Variants in FSHR observed in about 807,000 individuals in gnomAD.
FSHR encodes the protein follicle-stimulating hormone receptor.
In FSHR, 46 loss-of-function variants were observed where a neutral mutation model predicts 52.1. The ratio of observed to expected loss-of-function variants is 0.88; its 90% CI spans 0.70 to 1.13. FSHR has a LOEUF of 1.13. FSHR is among the 50% of genes most tolerant of loss of function. The pLI, the probability that FSHR is intolerant of heterozygous loss-of-function variation, is 0.00. For synonymous variants in FSHR, 399 were observed against 309.6 expected (o/e 1.29, Z -3.03); for missense variants, 964 against 834.6 (o/e 1.16, Z -1.91).
intron 2 of FSHR, among the ~76,000 whole-genome samples, chr2:49,032,634 A>T (rs1255541354): frequency 6.6e-6 from 1 of 152,214 alleles, no homozygotes; most frequent in Non-Finnish European, 1.5e-5. Context: ...AATGAAAAGC[A>T]CAAAAGCTGT....
intron 4 of FSHR, among the ~76,000 whole-genome samples, chr2:48,992,538 C>A (rs1177462912): frequency 1.3e-5 from 2 of 152,154 alleles, no homozygotes; most frequent in African/African-American, 2.4e-5. Flanking sequence ...TCTTCAGTGC[C>A]TCTTTCAGCG....
intron 2 of FSHR, among the ~76,000 whole-genome samples, chr2:49,021,886 T>TATATATAGAGAGAG (rs1273265515): frequency 1.2e-3 from 31 of 25,108 alleles, no homozygotes; most frequent in East Asian, 2.7e-3. Context: ...TATATATATA[T>TATATATAGAGAGAG]AGAGAGAGAG....
chr2:49,143,166 A>T (rs1672750694), intron 1 of FSHR, among the ~76,000 whole-genome samples: 1 of 152,178 alleles, frequency 6.6e-6, no homozygotes, highest in African/African-American at 2.4e-5. Context: ...GAACTCCAAC[A>T]TCTAGAGGCT....
In FSHR at chr2:49,054,957, T is replaced by C. The variant is rs560014142; in HGVS notation, c.224+13262A>G. ...TTGACCAGATGCATAAAAATCAATG[T>C]AGGGATACATCAAAGATGAAAAAGC... is the stretch of plus-strand genomic sequence containing the variant. On this transcript the variant is annotated intron_variant, in intron 2 of 9. Coordinates refer to ENST00000406846, the MANE Select transcript of FSHR (RefSeq NM_000145.4). Among the ~76,000 whole-genome samples the C allele has an allele frequency of 5.9e-5, 9 of 152,078 alleles. 1 individual carries two copies. The South Asian group carries it at 1.9e-3, about 32-fold the overall frequency.
intron 1 of FSHR, among the ~76,000 whole-genome samples, chr2:49,120,923 T>C (rs1347363690): frequency 6.6e-6 from 1 of 152,238 alleles, no homozygotes; most frequent in East Asian, 1.9e-4. Flanking sequence ...GTAAGATGCA[T>C]TGTGATATAC....
rs111376648 is a variant in FSHR at position 48,986,458 on chromosome 2, G to A, written c.524+2519C>T. Among the ~76,000 whole-genome samples, 632 of 140,808 alleles carry A rather than the reference G, an allele frequency of 4.5e-3. 5 individuals are homozygous for A. Among genetic ancestry groups the A allele is most frequent in the African/African-American group, 0.014 (527 of 37,762 alleles). The allele number at this position is 140,808 out of a possible 152,430, so 92.4% of individuals were successfully genotyped here. ...CATGGGAAGAAAACACCCCTGCATC[G>A]AAGCTGCCAAACTAGAAACGATTGG... On this transcript the variant is annotated intron_variant, in intron 6 of 9. Coordinates refer to ENST00000406846, the MANE Select transcript of FSHR (RefSeq NM_000145.4).
chr2:48,966,756 C>T (rs1674494077), intron 9 of FSHR, among the ~76,000 whole-genome samples: 1 of 152,158 alleles, frequency 6.6e-6, no homozygotes, highest in South Asian at 2.1e-4. Flanking sequence ...ATCAAATACC[C>T]ATTGCTAAAA....
intron 9 of FSHR, among the ~76,000 whole-genome samples, chr2:48,967,671 G>T (rs1261273742): frequency 2.0e-5 from 3 of 152,134 alleles, no homozygotes; most frequent in Non-Finnish European, 4.4e-5. Flanking sequence ...CCTCCAAAAG[G>T]GTCTGAGTAG....
Position 48,990,635 on chromosome 2 carries a change from A to T in FSHR, c.377T>A (p.Leu126Ter). 1 of 1,597,714 alleles carries T rather than the reference A, an allele frequency of 6.3e-7. No homozygotes were observed. The highest frequency in any genetic ancestry group is 1.1e-5 in the South Asian group (1 of 90,758). The part of the protein sequence containing the change: ...FQNLPNLQYL[L>*]ISNTGIKHLP... Reference sequence around the variant, plus strand: ...GTGCTTAATACCTGTGTTGGATATTAACCTAGAGAGAAACAAAATGAGAGT... The same window carrying T: ...GTGCTTAATACCTGTGTTGGATATTTACCTAGAGAGAAACAAAATGAGAGT... The change falls in exon 5 of 10, where the codon TTA becomes TAA. Residue 126 changes from leucine to a stop codon, truncating the protein, a stop_gained and splice_region_variant. Coordinates refer to ENST00000406846, the MANE Select transcript of FSHR (RefSeq NM_000145.4). LOFTEE classifies it high-confidence loss of function.
intron 4 of FSHR, among the ~76,000 whole-genome samples, chr2:48,998,888 G>A (rs772559259): frequency 1.9e-4 from 29 of 152,026 alleles, no homozygotes; most frequent in Non-Finnish European, 3.5e-4. Context: ...TGCAAATATC[G>A]AAGCATATTA....
intron 4 of FSHR, among the ~76,000 whole-genome samples, chr2:49,001,439 T>A (rs1424216007): frequency 2.0e-5 from 3 of 152,072 alleles, no homozygotes; most frequent in East Asian, 1.9e-4. Flanking sequence ...CCTAAAGATA[T>A]CTCTAGGTGA....
At chr2:49,024,913 C>T (rs1158367101) in intron 2 of FSHR, among the ~76,000 whole-genome samples, 1 of 152,158 alleles carries the variant, frequency 6.6e-6, no homozygotes, top group Admixed American at 6.5e-5. Context: ...TGTTACTGCC[C>T]CTTGCATATT....
At chr2:49,084,724 C>G (rs1572722033) in intron 1 of FSHR, among the ~76,000 whole-genome samples, 2 of 152,012 alleles carry the variant, frequency 1.3e-5, no homozygotes, top group African/African-American at 4.8e-5. Flanking sequence ...CACCTCTATG[C>G]AAATAAACTA....
intron 1 of FSHR, among the ~76,000 whole-genome samples, chr2:49,104,949 C>G (rs894616877): frequency 1.3e-5 from 2 of 152,026 alleles, no homozygotes; most frequent in African/African-American, 4.8e-5. Flanking sequence ...ATGAGAAGGG[C>G]TTGGCAATGG....
At chr2:49,011,259 T>C (rs1048754994) in intron 4 of FSHR, among the ~76,000 whole-genome samples, 8 of 152,014 alleles carry the variant, frequency 5.3e-5, no homozygotes, top group Non-Finnish European at 1.0e-4. Flanking sequence ...AAAGAACATA[T>C]TTATTTCTGC....
rs924875991 is a variant in FSHR at position 49,068,148 on chromosome 2, C to G, written c.224+71G>C. The G allele has an allele frequency of 2.2e-5, 25 of 1,141,822 alleles. No homozygotes were observed. In the Admixed American group the frequency reaches 4.3e-4, roughly 20 times the overall value. 70.7% of individuals were successfully genotyped at this position (1,141,822 alleles called of 1,614,324 possible). A position where few individuals can be genotyped will look rare whatever the true frequency, so the allele number is the denominator to read the frequency against. ...CGGCTACTAAGTGCAGATAGTCATA[C>G]TAGATGTGGTCTGAGGTTGCTCCCT... On this transcript the variant is annotated intron_variant, in intron 2 of 9. Coordinates refer to ENST00000406846, the MANE Select transcript of FSHR (RefSeq NM_000145.4).
chr2:49,030,271 AGTGT>A (rs141079184), intron 2 of FSHR, among the ~76,000 whole-genome samples: 9,856 of 140,066 alleles, frequency 0.07, 627 homozygotes, highest in African/African-American at 0.18. Context: ...AGGAATAGCA[AGTGT>A]GTGTGTGTGT....
At chr2:48,994,309 G>T (rs1021651092) in intron 4 of FSHR, among the ~76,000 whole-genome samples, 1 of 152,140 alleles carries the variant, frequency 6.6e-6, no homozygotes, top group Admixed American at 6.6e-5. Context: ...CAATAATAAA[G>T]TTATGAGTGC....
At chr2:49,103,761 T>A (rs905570275) in intron 1 of FSHR, among the ~76,000 whole-genome samples, 60 of 152,092 alleles carry the variant, frequency 3.9e-4, no homozygotes, top group Non-Finnish European at 1.9e-4. Context: ...AGGGTCAGGG[T>A]TTTCCTCTCA....
Sources: allele counts gnomAD v4.1 joint callset (sites outside exome capture counted in the v4.1 genomes callset), GRCh38; gene constraint gnomAD v4.1.1; transcripts MANE v1.5; gene names NCBI Gene and HGNC (gene_info 2026-07-23, HGNC 2026-07-21).